TFEC: variants seen among roughly 807,000 people sequenced by gnomAD.
The protein encoded by TFEC is transcription factor EC, also known as class E basic helix-loop-helix protein 34.
Under a neutral mutation model 41.6 loss-of-function variants are expected in TFEC, and 31 were observed. That is an observed-to-expected ratio of 0.74 (90% confidence interval 0.56 to 1.01). The LOEUF is 1.01. TFEC is among the 50% of genes least tolerant of loss of function. The probability of loss-of-function intolerance (pLI) is 0.00; values close to 1 mark genes in which losing one functional copy is unlikely to be tolerated. For missense variants in TFEC, 402 were observed against 404.1 expected, an observed-to-expected ratio of 0.99 and a Z score of 0.04; for synonymous variants, 143 against 140.6, an observed-to-expected ratio of 1.02 and a Z score of -0.12.
chr7:116,072,736 A>C (rs1271027001), intron 3 of TFEC, among the ~76,000 whole-genome samples: 1 of 151,718 alleles, frequency 6.6e-6, no homozygotes, highest in African/African-American at 2.4e-5. Flanking sequence ...CAATAGATGC[A>C]GAGAAAGCAT....
intron 3 of TFEC, among the ~76,000 whole-genome samples, chr7:116,065,192 G>A (rs956576574): frequency 6.6e-6 from 1 of 152,098 alleles, no homozygotes; most frequent in Non-Finnish European, 1.5e-5. Context: ...AGTGCAATAT[G>A]ATCATTTTAC....
intron 1 of TFEC, among the ~76,000 whole-genome samples, chr7:116,002,612 A>C (rs954334906): frequency 6.6e-6 from 1 of 152,180 alleles, no homozygotes. Flanking sequence ...GTTTTATGGC[A>C]CAACAGGGTG....
rs1004613034 is a variant in TFEC, at chr7:115,939,108, T to C, written c.*1443A>G. 1.3e-5 allele frequency: 2 copies of C among 152,068 alleles called. No homozygotes were observed. The highest frequency in any genetic ancestry group is 4.8e-5 in the African/African-American group (2 of 41,430). 9.4% of individuals were successfully genotyped at this position (152,068 alleles called of 1,614,324 possible). Reference sequence around the variant, plus strand: ...TCTCTGACCTTCTGTATTTACAGTTTATGCTTAGATTTTTTATTCTATATG... The same window carrying C: ...TCTCTGACCTTCTGTATTTACAGTTCATGCTTAGATTTTTTATTCTATATG... On this transcript the variant is annotated 3_prime_UTR_variant, in exon 8 of 8. Coordinates refer to ENST00000265440, the MANE Select transcript of TFEC (RefSeq NM_012252.4).
intron 1 of TFEC, among the ~76,000 whole-genome samples, chr7:116,022,596 A>G (rs1795438991): frequency 1.3e-5 from 2 of 152,228 alleles, no homozygotes; most frequent in Non-Finnish European, 2.9e-5. Context: ...AATATTTTCA[A>G]CAGGGCAGGG....
chr7:116,139,488 A>C (rs1325653184), intron 1 of TFEC, among the ~76,000 whole-genome samples: 10 of 152,286 alleles, frequency 6.6e-5, no homozygotes, highest in Middle Eastern at 3.4e-3. Context: ...CTCACCTTTC[A>C]TCACACTAGA....
At chr7:115,948,410 G>C (rs973796189) in intron 6 of TFEC, among the ~76,000 whole-genome samples, 3 of 152,130 alleles carry the variant, frequency 2.0e-5, no homozygotes, top group Non-Finnish European at 2.9e-5. Context: ...GAGAATTTTA[G>C]ACCAATACAC....
intron 3 of TFEC, among the ~76,000 whole-genome samples, chr7:116,088,551 T>TA (rs1797252582): frequency 6.6e-6 from 1 of 152,138 alleles, no homozygotes; most frequent in Non-Finnish European, 1.5e-5. Context: ...ATATATTTTT[T>TA]AAAAAACCTA....
intron 1 of TFEC, among the ~76,000 whole-genome samples, chr7:116,131,617 T>C (rs1273920479): frequency 3.3e-5 from 5 of 152,132 alleles, no homozygotes; most frequent in Non-Finnish European, 7.4e-5. Context: ...GAAAATAAAG[T>C]AATGGTTTTA....
intron 3 of TFEC, among the ~76,000 whole-genome samples, chr7:116,082,189 T>C (rs917185357): frequency 6.6e-6 from 1 of 152,036 alleles, no homozygotes; most frequent in African/African-American, 2.4e-5. Flanking sequence ...ATGTAATGTA[T>C]GCAAAAGTAA....
intron 7 of TFEC, chr7:115,941,182 G>A: frequency 2.7e-6 from 1 of 376,408 alleles, no homozygotes; most frequent in East Asian, 4.6e-5. Context: ...GACTGATGAT[G>A]GTTCCATAGT....
chr7:115,994,469 C>A (rs142240760), intron 1 of TFEC, among the ~76,000 whole-genome samples: 2,566 of 152,164 alleles, frequency 0.017, 77 homozygotes, highest in African/African-American at 0.059. Context: ...TGACAAAGGG[C>A]TAATATCTAG....
intron 3 of TFEC, among the ~76,000 whole-genome samples, chr7:116,047,600 C>G (rs1796200666): frequency 6.6e-6 from 1 of 152,184 alleles, no homozygotes; most frequent in Non-Finnish European, 1.5e-5. Context: ...CAAAAGGCAG[C>G]AGAAACTTCT....
intron 1 of TFEC, among the ~76,000 whole-genome samples, chr7:116,115,684 A>G (rs1226276627): frequency 6.6e-6 from 1 of 152,008 alleles, no homozygotes; most frequent in East Asian, 1.9e-4. Context: ...GTATAGTAAC[A>G]TCCACAAGTT....
At chr7:116,123,146 A>C (rs1798142410) in intron 1 of TFEC, among the ~76,000 whole-genome samples, 1 of 152,160 alleles carries the variant, frequency 6.6e-6, no homozygotes, top group African/African-American at 2.4e-5. Context: ...CATTTTTTTA[A>C]AAAACTACAA....
At chr7:116,129,546 T>C (rs1429423769) in intron 1 of TFEC, among the ~76,000 whole-genome samples, 2 of 151,560 alleles carry the variant, frequency 1.3e-5, no homozygotes, top group Non-Finnish European at 1.5e-5. Context: ...CCTCCTTGCA[T>C]GGTGTTTTTC....
intron 3 of TFEC, among the ~76,000 whole-genome samples, chr7:116,081,322 C>T (rs1277110112): frequency 6.6e-6 from 1 of 151,764 alleles, no homozygotes; most frequent in Non-Finnish European, 1.5e-5. Context: ...AAAAATAAGT[C>T]CATCTCATTA....
intron 1 of TFEC, among the ~76,000 whole-genome samples, chr7:116,152,327 C>T (rs181290584): frequency 1.3e-5 from 2 of 152,274 alleles, no homozygotes; most frequent in African/African-American, 4.8e-5. Flanking sequence ...GGGATCTAAA[C>T]AGAGTCCAGT....
At chr7:115,947,590 T>G (rs935881397) in intron 6 of TFEC, among the ~76,000 whole-genome samples, 7 of 151,534 alleles carry the variant, frequency 4.6e-5, no homozygotes, top group Non-Finnish European at 8.8e-5. Flanking sequence ...TGTTGTTTCC[T>G]GACTTTTTAA....
chr7:116,041,784 G>A (rs1461016368), intron 3 of TFEC, among the ~76,000 whole-genome samples: 1 of 152,122 alleles, frequency 6.6e-6, no homozygotes. Flanking sequence ...TCAGACACAG[G>A]TCTGAAACAA....
Sources: gnomAD v4.1 joint callset for allele counts (sites outside exome capture counted in the v4.1 genomes callset) on GRCh38, gnomAD v4.1.1 for gene constraint, MANE v1.5 for transcripts, NCBI Gene and HGNC (gene_info 2026-07-23, HGNC 2026-07-21) for gene names.